The following PRRC2C variants were observed in gnomAD, a reference collection of about 807,000 sequenced individuals.
PRRC2C encodes proline rich coiled-coil 2C.
A neutral mutation model predicts 317.2 loss-of-function variants in PRRC2C; 72 were observed. The observed-to-expected ratio is 0.23, with a 90% CI of 0.19 to 0.28. The LOEUF is 0.28. Ranked by LOEUF, PRRC2C falls within the 10% of genes least tolerant of loss-of-function variation. The pLI is 1.00. For missense variants in PRRC2C, 3,074 were observed against 3,459.7 expected, an observed-to-expected ratio of 0.89 and a Z score of 2.80; for synonymous variants, 1,296 against 1,205.9, an observed-to-expected ratio of 1.07 and a Z score of -1.55.
intron 19 of PRRC2C, 109 bp from the exon 20 acceptor site, chr1:171,560,908 TC>T (rs1682556846): frequency 5.8e-6 from 5 of 856,822 alleles, no homozygotes; most frequent in Admixed American, 3.5e-5. Context: ...ATTGTTTTAT[TC>T]CCTGGCTAGT....
At position 171,559,505 on chromosome 1, in the gene PRRC2C, G is replaced by GTTTTTTTTTTTTTTTTTTTTTT. The variant is rs1236663155; in HGVS notation, c.6031+1365_6031+1366insTTTTTTTTTTTTTTTTTTTTTT. ...ATCTGTTTACAAAATGGCATACCAA[G>GTTTTTTTTTTTTTTTTTTTTTT]TTTGTTTTTTTTTTTTTTTTTTTTT... On this transcript the variant is annotated intron_variant, in intron 19 of 34. Transcript: ENST00000647382. Among the ~76,000 whole-genome samples, 18 of 95,124 alleles carry GTTTTTTTTTTTTTTTTTTTTTT rather than the reference G, an allele frequency of 1.9e-4. 9 individuals carry two copies. The highest frequency in any genetic ancestry group is 2.4e-4 in the African/African-American group (6 of 24,866). 62.4% of individuals were successfully genotyped at this position (95,124 alleles called of 152,430 possible).
intron 1 of PRRC2C, among the ~76,000 whole-genome samples, chr1:171,495,360 TAA>T (rs1408115664): frequency 6.6e-6 from 1 of 152,206 alleles, no homozygotes; most frequent in Non-Finnish European, 1.5e-5. Context: ...CTAAGACCTT[TAA>T]AAATCTTGGT....
intron 1 of PRRC2C, among the ~76,000 whole-genome samples, chr1:171,490,390 G>A (rs1241996907): frequency 6.6e-6 from 1 of 152,162 alleles, no homozygotes; most frequent in Non-Finnish European, 1.5e-5. Flanking sequence ...TACTGGATAG[G>A]ATCAGGCCAC....
chr1:171,522,130 T>A, intron 6 of PRRC2C, 47 bp from the exon 7 acceptor site: 1 of 1,072,988 alleles, frequency 9.3e-7, no homozygotes, highest in South Asian at 1.8e-5. Flanking sequence ...TTTTTTAAAA[T>A]AACTAGGTTG....
At chr1:171,498,330 A>T (rs1476666507) in intron 1 of PRRC2C, among the ~76,000 whole-genome samples, 1 of 152,162 alleles carries the variant, frequency 6.6e-6, no homozygotes, top group African/African-American at 2.4e-5. Context: ...AGATCAAGTT[A>T]TCGACAGGCA....
At chr1:171,526,752 A>G (rs1425614831) in intron 10 of PRRC2C, among the ~76,000 whole-genome samples, 1 of 150,656 alleles carries the variant, frequency 6.6e-6, no homozygotes, top group Non-Finnish European at 1.5e-5. Context: ...GAGAGGAGAA[A>G]GATGTTTAGC....
rs77628860 is a variant in PRRC2C at position 171,547,714 on chromosome 1, G to C, written c.4972+2027G>C. Reference sequence around the variant, plus strand: ...GCTGGAAGGCGGTGGTGTAATCTCAGCTCACTGCAACCTCTACCTCCTCGG... The same window carrying C: ...GCTGGAAGGCGGTGGTGTAATCTCACCTCACTGCAACCTCTACCTCCTCGG... On this transcript the variant is annotated intron_variant, in intron 17 of 34. Transcript: ENST00000647382. 3.1e-3 allele frequency among the ~76,000 whole-genome samples: 443 copies of C among 141,386 alleles called. 1 individual carries two copies. Among genetic ancestry groups the C allele is most frequent in the African/African-American group, 0.011 (422 of 37,840 alleles). The allele number at this position is 141,386 out of a possible 152,430, so 92.8% of individuals were successfully genotyped here.
chr1:171,572,274 C>T (rs1043947070), intron 24 of PRRC2C, among the ~76,000 whole-genome samples: 3 of 152,158 alleles, frequency 2.0e-5, no homozygotes, highest in Non-Finnish European at 4.4e-5. Flanking sequence ...CAGGTGGGAA[C>T]CACCACACCT....
chr1:171,487,610 C>T (rs988980106), intron 1 of PRRC2C, among the ~76,000 whole-genome samples: 9 of 152,010 alleles, frequency 5.9e-5, no homozygotes, highest in African/African-American at 1.5e-4. Flanking sequence ...TAAATTTAGG[C>T]GTCTGATCTA....
chr1:171,583,919 A>G lies in PRRC2C; in HGVS notation c.7410-37A>G, dbSNP rs761387559. ...AGATTTTCAGATTCCAGATGAAATTAACTTCTAACAATATTTTCTCTTTAA... is the reference window on the plus strand; with the variant it reads ...AGATTTTCAGATTCCAGATGAAATTGACTTCTAACAATATTTTCTCTTTAA... On this transcript the variant is annotated intron_variant, in intron 28 of 34. Coordinates refer to ENST00000647382, the MANE Select transcript of PRRC2C (RefSeq NM_001387844.1). The G allele has an allele frequency of 8.5e-6, 13 of 1,536,510 alleles. No individual in the cohort carries two copies. In the African/African-American group the frequency reaches 1.8e-4, roughly 21 times the overall value.
intron 30 of PRRC2C, 118 bp downstream of exon 30, chr1:171,584,644 G>A (rs111325278): frequency 1.7e-6 from 2 of 1,199,882 alleles, no homozygotes; most frequent in African/African-American, 1.6e-5. Context: ...TTTTTAAACT[G>A]TTCACTGAGA....
chr1:171,535,158 T>TA (rs537396903), intron 12 of PRRC2C, among the ~76,000 whole-genome samples: 165 of 147,798 alleles, frequency 1.1e-3, no homozygotes, highest in African/African-American at 1.2e-3. Flanking sequence ...TTTCATTATT[T>TA]AAAAAAAAAA....
Position 171,535,624 on chromosome 1 carries a change from A to G in PRRC2C, c.2043+27A>G, listed in dbSNP as rs545514105. On this transcript the variant is annotated intron_variant, in intron 13 of 34. Coordinates refer to ENST00000647382, the MANE Select transcript of PRRC2C (RefSeq NM_001387844.1). The stretch of plus-strand genomic sequence containing the variant: ...TAATGATAAAAATATTTTATCATGT[A>G]TGTGTGATTGAAGTGGTTTATTATG... The G allele has an allele frequency of 8.9e-5, 143 of 1,606,900 alleles. 2 individuals carry two copies. The South Asian group carries it at 1.4e-3, about 15-fold the overall frequency.
At chr1:171,485,867 T>C (rs998808558) in intron 1 of PRRC2C, 132 bp downstream of exon 1, 12 of 152,250 alleles carry the variant, frequency 7.9e-5, no homozygotes, top group African/African-American at 2.9e-4. Flanking sequence ...GGAGAGGGCC[T>C]TGGGTCCGGG....
intron 28 of PRRC2C, 52 bp from the exon 29 acceptor site, chr1:171,583,904 A>AT (rs1460318697): frequency 6.8e-7 from 1 of 1,480,718 alleles, no homozygotes; most frequent in Non-Finnish European, 9.3e-7. Flanking sequence ...AGATTTTCAG[A>AT]TTCCAGATGA....
chr1:171,498,202 A>G (rs1480201638), intron 1 of PRRC2C, among the ~76,000 whole-genome samples: 11 of 151,984 alleles, frequency 7.2e-5, no homozygotes, highest in Admixed American at 7.2e-4. Flanking sequence ...TCTCCTCCTC[A>G]TTCTCTTCTG....
intron 28 of PRRC2C, among the ~76,000 whole-genome samples, chr1:171,580,913 A>G (rs570082725): frequency 6.6e-6 from 1 of 152,218 alleles, no homozygotes; most frequent in Non-Finnish European, 1.5e-5. Context: ...TAGAATTTCT[A>G]TACTTTATAG....
At chr1:171,530,031 AAAACT>A (rs1443265017) in intron 11 of PRRC2C, among the ~76,000 whole-genome samples, 1 of 152,132 alleles carries the variant, frequency 6.6e-6, no homozygotes, top group Non-Finnish European at 1.5e-5. Context: ...CACAGAAACT[AAAACT>A]AAAACATCTA....
At chr1:171,515,600 A>T in intron 4 of PRRC2C, 134 bp from the exon 5 acceptor site, 2 of 710,294 alleles carry the variant, frequency 2.8e-6, no homozygotes, top group East Asian at 5.8e-5. Flanking sequence ...TTAAAGTGAT[A>T]TGGCTATGAA....
Sources: allele counts gnomAD v4.1 joint callset (sites outside exome capture counted in the v4.1 genomes callset), GRCh38; gene constraint gnomAD v4.1.1; transcripts MANE v1.5; gene names NCBI Gene and HGNC (gene_info 2026-07-23, HGNC 2026-07-21).